Variants in RFX3 observed in about 807,000 individuals in gnomAD.
The protein encoded by RFX3 is regulatory factor X3.
Under a neutral mutation model 98.6 loss-of-function variants are expected in RFX3, and 14 were observed. The observed-to-expected ratio is 0.14, with a 90% CI of 0.09 to 0.22. RFX3 has a LOEUF of 0.22. Ranked by LOEUF, RFX3 falls within the 10% of genes least tolerant of loss-of-function variation. RFX3 has a pLI of 1.00. For missense variants in RFX3, 639 were observed against 926.9 expected, an observed-to-expected ratio of 0.69 and a Z score of 4.03; for synonymous variants, 383 against 328.4, an observed-to-expected ratio of 1.17 and a Z score of -1.80.
chr9:3,396,918 A>G (rs1274518292), intron 1 of RFX3, among the ~76,000 whole-genome samples: 1 of 152,218 alleles, frequency 6.6e-6, no homozygotes. Flanking sequence ...CCAAAAGCCA[A>G]CTGATATGCC....
intron 1 of RFX3, among the ~76,000 whole-genome samples, chr9:3,440,984 AAG>A (rs1239305546): frequency 3.9e-5 from 6 of 152,212 alleles, no homozygotes; most frequent in African/African-American, 7.2e-5. Context: ...CAAGTAAAGA[AAG>A]AAGTTTAACA....
At chr9:3,314,703 A>G (rs1402205891) in intron 4 of RFX3, among the ~76,000 whole-genome samples, 1 of 152,192 alleles carries the variant, frequency 6.6e-6, no homozygotes, top group Admixed American at 6.5e-5. Context: ...GGAAAACAAA[A>G]AAAAAAGCAG....
chr9:3,465,577 T>G (rs537682340), intron 1 of RFX3, among the ~76,000 whole-genome samples: 1 of 152,032 alleles, frequency 6.6e-6, no homozygotes, highest in African/African-American at 2.4e-5. Context: ...GTACTGAGAT[T>G]ACAAGCGTGA....
At chr9:3,521,929 G>C (rs1383767540) in intron 1 of RFX3, among the ~76,000 whole-genome samples, 1 of 151,886 alleles carries the variant, frequency 6.6e-6, no homozygotes, top group Non-Finnish European at 1.5e-5. Flanking sequence ...TTATTTATAA[G>C]AATTGATAAG....
intron 3 of RFX3, among the ~76,000 whole-genome samples, chr9:3,334,088 T>C (rs984998345): frequency 6.6e-6 from 1 of 152,166 alleles, no homozygotes; most frequent in African/African-American, 2.4e-5. Context: ...TTCTCAACCA[T>C]TATGTCAAAA....
chr9:3,247,428 C>G (rs1820825700), intron 15 of RFX3: 1 of 746,122 alleles, frequency 1.3e-6, no homozygotes, highest in Non-Finnish European at 1.6e-6. Context: ...ATCATTTAAC[C>G]TTTCTGTGCC....
chr9:3,244,180 A>G (rs758721030), intron 15 of RFX3, among the ~76,000 whole-genome samples: 26 of 151,188 alleles, frequency 1.7e-4, no homozygotes, highest in Non-Finnish European at 3.1e-4. Context: ...TTTTTTTTGT[A>G]TTTTTAGTAG....
chr9:3,300,014 T>G (rs1216583619), intron 5 of RFX3, among the ~76,000 whole-genome samples: 3 of 151,462 alleles, frequency 2.0e-5, no homozygotes, highest in African/African-American at 7.3e-5. Context: ...CAGGTTTTTT[T>G]TTTTCTTATG....
intron 4 of RFX3, among the ~76,000 whole-genome samples, chr9:3,329,579 A>G (rs1832354329): frequency 6.6e-6 from 1 of 152,148 alleles, no homozygotes; most frequent in African/African-American, 2.4e-5. Flanking sequence ...AATGCTTTCT[A>G]AAGTATCTCT....
At chr9:3,283,916 G>C (rs183646389) in intron 7 of RFX3, among the ~76,000 whole-genome samples, 176 of 151,808 alleles carry the variant, frequency 1.2e-3, no homozygotes, top group South Asian at 5.0e-3. Context: ...TGAGAATAAA[G>C]ACAAGAGTTC....
At chr9:3,450,312 G>A (rs914253431) in intron 1 of RFX3, among the ~76,000 whole-genome samples, 5 of 152,054 alleles carry the variant, frequency 3.3e-5, no homozygotes, top group Admixed American at 6.5e-5. Context: ...AACAGGGAAC[G>A]TCTCTTTAAA....
At chr9:3,269,803 T>C (rs531019598) in intron 11 of RFX3, among the ~76,000 whole-genome samples, 1 of 152,268 alleles carries the variant, frequency 6.6e-6, no homozygotes, top group East Asian at 1.9e-4. Context: ...CCTAACATGA[T>C]GTAGGTGACA....
chr9:3,337,662 A>G (rs1833349079), intron 3 of RFX3, among the ~76,000 whole-genome samples: 1 of 152,182 alleles, frequency 6.6e-6, no homozygotes, highest in African/African-American at 2.4e-5. Context: ...TCTGTACTGC[A>G]CTATCTCTGT....
intron 2 of RFX3, among the ~76,000 whole-genome samples, chr9:3,387,521 G>A (rs1009147856): frequency 1.3e-5 from 2 of 152,074 alleles, no homozygotes; most frequent in African/African-American, 4.8e-5. Context: ...TATTTCCATT[G>A]TAAATCAGCA....
chr9:3,459,696 G>T (rs555026162), intron 1 of RFX3, among the ~76,000 whole-genome samples: 5 of 152,040 alleles, frequency 3.3e-5, no homozygotes, highest in Non-Finnish European at 5.9e-5. Flanking sequence ...CTGTGCTTCA[G>T]TAATTTCATG....
At chr9:3,441,064 C>T (rs980674605) in intron 1 of RFX3, among the ~76,000 whole-genome samples, 2 of 152,136 alleles carry the variant, frequency 1.3e-5, no homozygotes, top group African/African-American at 4.8e-5. Context: ...TAACACCATA[C>T]ACAAAATTAA....
intron 3 of RFX3, among the ~76,000 whole-genome samples, chr9:3,334,616 C>T (rs1832956316): frequency 6.6e-6 from 1 of 152,068 alleles, no homozygotes; most frequent in South Asian, 2.1e-4. Flanking sequence ...ATCCCCATCA[C>T]TCCATCGTGC....
intron 1 of RFX3, among the ~76,000 whole-genome samples, chr9:3,485,985 A>G (rs1207965019): frequency 3.3e-5 from 5 of 151,928 alleles, no homozygotes; most frequent in Non-Finnish European, 5.9e-5. Context: ...TTAGCCAGGC[A>G]TGGTGGCGCA....
chr9:3,296,145 T>A (rs1053855569), intron 5 of RFX3, among the ~76,000 whole-genome samples: 1 of 151,980 alleles, frequency 6.6e-6, no homozygotes, highest in African/African-American at 2.4e-5. Context: ...GTAAATTACC[T>A]TTTATAAAAG....
Sources: allele counts gnomAD v4.1 joint callset (sites outside exome capture counted in the v4.1 genomes callset), GRCh38; gene constraint gnomAD v4.1.1; transcripts MANE v1.5; gene names NCBI Gene and HGNC (gene_info 2026-07-23, HGNC 2026-07-21).